Variants in CDH13 observed in about 807,000 individuals in gnomAD.
CDH13 encodes the protein cadherin 13.
CDH13 carries 24 observed loss-of-function variants against 63.8 expected under a neutral mutation model. That is an observed-to-expected ratio of 0.38 (90% CI 0.27 to 0.53). The LOEUF is 0.53. Ranked by LOEUF, CDH13 falls within the 20% of genes least tolerant of loss-of-function variation. The pLI, the probability that CDH13 is intolerant of heterozygous loss-of-function variation, is 0.85. For synonymous variants in CDH13, 503 were observed against 355.3 expected, an observed-to-expected ratio of 1.42 and a Z score of -4.67; for missense variants, 1,049 against 903.1, an observed-to-expected ratio of 1.16 and a Z score of -2.07.
At chr16:83,577,034 C>T (rs1350987770) in intron 7 of CDH13, among the ~76,000 whole-genome samples, 3 of 152,210 alleles carry the variant, frequency 2.0e-5, no homozygotes, top group Non-Finnish European at 2.9e-5. Context: ...ATTTAGATGA[C>T]ATTTGTGGGC....
chr16:83,089,631 A>T (rs2033796029), intron 3 of CDH13, among the ~76,000 whole-genome samples: 1 of 152,210 alleles, frequency 6.6e-6, no homozygotes, highest in South Asian at 2.1e-4. Context: ...GATTGCCTTT[A>T]GGGAGCACTC....
chr16:83,705,654 A>G (rs1906927006), intron 10 of CDH13, among the ~76,000 whole-genome samples: 1 of 152,214 alleles, frequency 6.6e-6, no homozygotes, highest in African/African-American at 2.4e-5. Flanking sequence ...ATTAGCAGGA[A>G]GAGAGAATTA....
intron 3 of CDH13, among the ~76,000 whole-genome samples, chr16:83,090,553 G>A (rs1222071042): frequency 3.7e-5 from 5 of 136,658 alleles, no homozygotes; most frequent in African/African-American, 1.1e-4. Context: ...CAGACTGGGC[G>A]ACAAAGCGAA....
chr16:83,620,448 T>A (rs1327026940), intron 8 of CDH13, among the ~76,000 whole-genome samples: 1 of 148,810 alleles, frequency 6.7e-6, no homozygotes, highest in Non-Finnish European at 1.5e-5. Context: ...AGAGCCCCCA[T>A]GCTGCTTAGG....
chr16:83,180,232 A>G (rs550764141), intron 4 of CDH13, among the ~76,000 whole-genome samples: 1 of 152,182 alleles, frequency 6.6e-6, no homozygotes, highest in Non-Finnish European at 1.5e-5. Context: ...ACATATTTTA[A>G]GAGAACTGAA....
intron 1 of CDH13, among the ~76,000 whole-genome samples, chr16:82,759,925 C>G (rs928042353): frequency 2.6e-5 from 4 of 152,048 alleles, no homozygotes; most frequent in African/African-American, 9.7e-5. Context: ...AAAGGGAAAG[C>G]CTTATATTTA....
chr16:82,835,340 C>G (rs1032482710), intron 1 of CDH13, among the ~76,000 whole-genome samples: 3 of 152,128 alleles, frequency 2.0e-5, no homozygotes, highest in Non-Finnish European at 4.4e-5. Flanking sequence ...ACAGGGAATG[C>G]TCCGTATAAA....
At chr16:82,701,910 G>T (rs1254653311) in intron 1 of CDH13, among the ~76,000 whole-genome samples, 6 of 152,124 alleles carry the variant, frequency 3.9e-5, no homozygotes, top group Admixed American at 2.6e-4. Flanking sequence ...CCAGCCACGT[G>T]GACTTAGAAT....
At chr16:83,131,942 A>C (rs2036073085) in intron 4 of CDH13, among the ~76,000 whole-genome samples, 3 of 152,176 alleles carry the variant, frequency 2.0e-5, no homozygotes, top group African/African-American at 7.2e-5. Context: ...TGATTGTGTC[A>C]TGAACGTAAG....
intron 11 of CDH13, 90 bp downstream of exon 11, chr16:83,748,340 T>C: frequency 8.1e-7 from 1 of 1,227,976 alleles, no homozygotes; most frequent in South Asian, 1.6e-5. Flanking sequence ...CACCCAGGGG[T>C]GTTCTTGGGA....
intron 3 of CDH13, among the ~76,000 whole-genome samples, chr16:83,035,181 C>T (rs1274975025): frequency 2.0e-5 from 3 of 152,102 alleles, no homozygotes; most frequent in Non-Finnish European, 4.4e-5. Context: ...TGGATATGCA[C>T]GTGGTATGTT....
At chr16:83,498,972 C>T (rs577442670) in intron 7 of CDH13, among the ~76,000 whole-genome samples, 1 of 152,242 alleles carries the variant, frequency 6.6e-6, no homozygotes, top group East Asian at 1.9e-4. Context: ...CAATACAGGT[C>T]ATTTGTTGAG....
intron 1 of CDH13, among the ~76,000 whole-genome samples, chr16:82,744,514 T>A (rs1268849737): frequency 6.6e-6 from 1 of 152,152 alleles, no homozygotes; most frequent in Non-Finnish European, 1.5e-5. Context: ...CTTACTTCTC[T>A]CTTTTCCAGG....
intron 11 of CDH13, among the ~76,000 whole-genome samples, chr16:83,757,025 C>T (rs1006238042): frequency 3.3e-5 from 5 of 152,190 alleles, no homozygotes; most frequent in Admixed American, 6.5e-5. Flanking sequence ...GCATGCAGAG[C>T]ATATAGAAAA....
intron 7 of CDH13, among the ~76,000 whole-genome samples, chr16:83,523,071 G>A (rs193272421): frequency 9.2e-5 from 14 of 152,152 alleles, no homozygotes; most frequent in South Asian, 4.2e-4. Context: ...CTGGACCCCC[G>A]GCCTCCCTAT....
intron 5 of CDH13, among the ~76,000 whole-genome samples, chr16:83,224,799 C>G (rs1329819437): frequency 6.6e-6 from 1 of 152,190 alleles, no homozygotes; most frequent in Non-Finnish European, 1.5e-5. Context: ...CATCTCCTAA[C>G]AGTGTTATCA....
intron 2 of CDH13, among the ~76,000 whole-genome samples, chr16:82,925,635 T>C (rs1313389070): frequency 6.6e-6 from 1 of 152,172 alleles, no homozygotes; most frequent in East Asian, 1.9e-4. Context: ...ACCTGAACAC[T>C]GCCTACCAAC....
chr16:83,159,575 A>T (rs1052049625), intron 4 of CDH13, among the ~76,000 whole-genome samples: 2 of 152,214 alleles, frequency 1.3e-5, no homozygotes, highest in Admixed American at 1.3e-4. Context: ...TTTTGAGCAC[A>T]TGTTAACATA....
At chr16:83,134,544 G>GGGGAGAGAGAGA (rs2036192984) in intron 4 of CDH13, among the ~76,000 whole-genome samples, 1 of 84,334 alleles carries the variant, frequency 1.2e-5, no homozygotes, top group Non-Finnish European at 2.2e-5. Flanking sequence ...TGGGGTGGGG[G>GGGGAGAGAGAGA]GAGAGAGAGA....
Sources: gnomAD v4.1 joint callset for allele counts (sites outside exome capture counted in the v4.1 genomes callset) on GRCh38, gnomAD v4.1.1 for gene constraint, MANE v1.5 for transcripts, NCBI Gene and HGNC (gene_info 2026-07-23, HGNC 2026-07-21) for gene names.